ABCA9: variants seen among roughly 807,000 people sequenced by gnomAD.
ABCA9 encodes ATP binding cassette subfamily A member 9.
ABCA9 carries 183 observed loss-of-function variants against 205.3 expected under a neutral mutation model. That is an observed-to-expected ratio of 0.89 (90% CI 0.79 to 1.01). ABCA9 has a LOEUF of 1.01. Ranked by LOEUF, ABCA9 falls within the 50% of genes least tolerant of loss-of-function variation. The pLI, the probability that ABCA9 is intolerant of heterozygous loss-of-function variation, is 0.00. For missense variants in ABCA9, 1,805 were observed against 1,912.4 expected (o/e 0.94, Z 1.05); for synonymous variants, 651 against 683.3 (o/e 0.95, Z 0.74).
In ABCA9 at chr17:68,984,999, C is replaced by A. The variant is rs2069182187; in HGVS notation, c.4285-20G>T. 1 of 1,614,060 alleles carries A rather than the reference C, an allele frequency of 6.2e-7. No homozygotes were observed. Among genetic ancestry groups the A allele is most frequent in the Non-Finnish European group, 8.5e-7 (1 of 1,180,040 alleles). ...GCACAGCTGCAACGGGAGGAACAGC[C>A]CCTCTGGTTCCCATCTACGGCACTT... On this transcript the variant is annotated intron_variant, in intron 33 of 38. Coordinates refer to ENST00000340001, the MANE Select transcript of ABCA9 (RefSeq NM_080283.4).
At chr17:69,065,864 T>C (rs1306188776), upstream of ABCA9, among the ~76,000 whole-genome samples, 1 of 152,152 alleles carries the variant, frequency 6.6e-6, no homozygotes, top group Non-Finnish European at 1.5e-5. Context: ...GCTGTTCTTG[T>C]GATAGAGAGT....
Position 69,027,361 on chromosome 17 carries a change from G to A in ABCA9, c.1880C>T (p.Thr627Ile), listed in dbSNP as rs777019740. ...ATCTCCTAAAATGGCAATCCCAAAA[G>A]TTAGTTTCCTATTTTGTCCACCACT... ...NLSGGQNRKLTFGIAILGDPQ... is the reference protein window; with the variant it reads ...NLSGGQNRKLIFGIAILGDPQ... The change falls in exon 14 of 39, where the codon ACT becomes ATT. Residue 627 changes from threonine to isoleucine, a missense_variant. By Grantham distance (89) the Thr-to-Ile change is moderately conservative. Coordinates refer to ENST00000340001, the MANE Select transcript of ABCA9 (RefSeq NM_080283.4). The A allele has an allele frequency of 5.6e-6, 9 of 1,613,162 alleles. No individual in the cohort carries two copies. The highest frequency in any genetic ancestry group is 1.7e-5 in the Admixed American group (1 of 59,880).
intron 3 of ABCA9, 28 bp from the exon 4 acceptor site, chr17:69,045,364 A>G: frequency 6.3e-7 from 1 of 1,589,660 alleles, no homozygotes; most frequent in South Asian, 1.1e-5. Flanking sequence ...CAAAAGAAAT[A>G]GTTAAGCAAG....
intron 28 of ABCA9, among the ~76,000 whole-genome samples, chr17:68,991,406 CTAAT>C (rs1657945642): frequency 6.6e-6 from 1 of 152,134 alleles, no homozygotes; most frequent in Admixed American, 6.5e-5. Flanking sequence ...ATACCAATGC[CTAAT>C]TAGTTACTGA....
At chr17:69,014,073 C>CCTACT (rs2070486805) in intron 22 of ABCA9, among the ~76,000 whole-genome samples, 1 of 152,096 alleles carries the variant, frequency 6.6e-6, no homozygotes. Context: ...AATTGGCTAG[C>CCTACT]CTACTCAAAT....
intron 3 of ABCA9, 102 bp downstream of exon 3, chr17:69,049,181 T>G (rs1393339865): frequency 7.9e-7 from 1 of 1,269,906 alleles, no homozygotes. Context: ...GTTAATAAAC[T>G]CTAGAAACTT....
In ABCA9 at chr17:69,029,149, A is replaced by G. The variant is rs760495538; in HGVS notation, c.1504+20T>C. ...CCACTAAATCAAGCAGCCCCATTAAATAAAATATTATTTTATTACCTTTCA... is the reference window on the plus strand; with the variant it reads ...CCACTAAATCAAGCAGCCCCATTAAGTAAAATATTATTTTATTACCTTTCA... On this transcript the variant is annotated intron_variant, in intron 11 of 38. Transcript: ENST00000340001. 2 of 1,465,382 alleles carry G rather than the reference A, an allele frequency of 1.4e-6. No individual in the cohort carries two copies. The highest frequency in any genetic ancestry group is 1.9e-6 in the Non-Finnish European group (2 of 1,071,784). 90.8% of individuals were successfully genotyped at this position (1,465,382 alleles called of 1,614,324 possible).
chr17:69,004,832 C>G (rs554076741), intron 25 of ABCA9: 6 of 156,544 alleles, frequency 3.8e-5, no homozygotes, highest in African/African-American at 1.5e-4. Context: ...TTTTTTAAGC[C>G]CGTCGGAAAA....
Position 69,049,274 on chromosome 17 carries a change from G to A in ABCA9, c.304+9C>T, listed in dbSNP as rs1432861476. On this transcript the variant is annotated intron_variant, in intron 3 of 38. Coordinates refer to ENST00000340001, the MANE Select transcript of ABCA9 (RefSeq NM_080283.4). ...TAAGGAAATTACTATGAACAACCAG[G>A]GAACATACCTTTTAGGAATGGGGCT... The A allele has an allele frequency of 5.0e-6, 8 of 1,595,286 alleles. No homozygotes were observed. In the Admixed American group the frequency reaches 1.2e-4, roughly 24 times the overall value.
intron 34 of ABCA9, 124 bp from the exon 35 acceptor site, chr17:68,984,299 G>T: frequency 1.5e-6 from 2 of 1,333,578 alleles, no homozygotes; most frequent in Non-Finnish European, 2.1e-6. Context: ...ACAAAAAAGG[G>T]GTGTGTGTAG....
intron 20 of ABCA9, 67 bp from the exon 21 acceptor site, chr17:69,017,856 T>A (rs980592306): frequency 7.9e-5 from 120 of 1,527,706 alleles, no homozygotes; most frequent in Middle Eastern, 1.9e-4. Flanking sequence ...ATATTAAAAA[T>A]ACATTACATC....
intron 36 of ABCA9, 72 bp from the exon 37 acceptor site, chr17:68,982,713 A>G: frequency 1.6e-6 from 2 of 1,244,324 alleles, no homozygotes; most frequent in Non-Finnish European, 1.2e-6. Flanking sequence ...AAGTCTAAAA[A>G]GGGAAACAAG....
Position 68,999,269 on chromosome 17 carries a change from CT to C in ABCA9, c.3436-3256del, listed in dbSNP as rs1177621327. Among the ~76,000 whole-genome samples the C allele has an allele frequency of 7.9e-4, 93 of 117,948 alleles. 3 individuals carry two copies. The highest frequency in any genetic ancestry group is 2.6e-3 in the African/African-American group (81 of 30,710). 77.4% of individuals were successfully genotyped at this position (117,948 alleles called of 152,430 possible). A position where few individuals can be genotyped will look rare whatever the true frequency, so the allele number is the denominator to read the frequency against. On this transcript the variant is annotated intron_variant, in intron 25 of 38. Coordinates refer to ENST00000340001, the MANE Select transcript of ABCA9 (RefSeq NM_080283.4). ...TTAGGTATATCTCCCAATGCTATCCCTTCCCCCTCCCCCCACCCCACAACAG... is the reference window on the plus strand; with the variant it reads ...TTAGGTATATCTCCCAATGCTATCCCTCCCCCTCCCCCCACCCCACAACAG...
At position 68,993,076 on chromosome 17, in the gene ABCA9, AG is replaced by A; in HGVS notation, c.3563del (p.Pro1188LeufsTer7). ...AAGCTCCTAAGTAATCCATGGAATC[AG>A]GAGAAATCTGTAAAATGAGCAGTAA... ...GSLFIFSEIS[P>X]DSMDYLGASE... is the part of the protein sequence containing the mutation. On this transcript the variant is annotated frameshift_variant, in exon 27 of 39. Transcript: ENST00000340001. LOFTEE classifies it high-confidence loss of function. 1 of 1,613,302 alleles carries A rather than the reference AG, an allele frequency of 6.2e-7. No homozygotes were observed. The highest frequency in any genetic ancestry group is 1.1e-5 in the South Asian group (1 of 91,038).
rs946536382 is a variant in ABCA9 at position 68,976,025 on chromosome 17, G to A, written c.4777-12C>T. The A allele has an allele frequency of 4.3e-6, 7 of 1,612,910 alleles. No homozygotes were observed. Among genetic ancestry groups the A allele is most frequent in the Non-Finnish European group, 5.9e-6 (7 of 1,179,178 alleles). On this transcript the variant is annotated splice_polypyrimidine_tract_variant and intron_variant, in intron 38 of 38. Coordinates refer to ENST00000340001, the MANE Select transcript of ABCA9 (RefSeq NM_080283.4). ...AGCTCCAGGAAAACCTAAAAGGAAG[G>A]AAAGAAATAAAGAGAGGAGAACAAT...
chr17:69,067,464 C>T, the ABCA9 span, among the ~76,000 whole-genome samples: 3 of 151,232 alleles, frequency 2.0e-5, no homozygotes, highest in East Asian at 5.8e-4. Flanking sequence ...GGGAACATCA[C>T]TTGAGCCCTT....
upstream of ABCA9, among the ~76,000 whole-genome samples, chr17:69,063,256 G>A (rs16973554): frequency 0.062 from 9,360 of 152,022 alleles, 730 homozygotes; most frequent in African/African-American, 0.17. Context: ...TTTATTTTGC[G>A]GCAGTATTCT....
chr17:69,039,422 C>A (rs903149447), intron 6 of ABCA9, among the ~76,000 whole-genome samples: 3 of 152,094 alleles, frequency 2.0e-5, no homozygotes, highest in Non-Finnish European at 2.9e-5. Context: ...GCCATCTGAT[C>A]TTTGACAAAC....
chr17:69,078,245 C>T, the ABCA9 span, among the ~76,000 whole-genome samples: 1 of 148,832 alleles, frequency 6.7e-6, no homozygotes. Context: ...CACTCTGTCA[C>T]CCAGGCTGGA....
Sources: gnomAD v4.1 joint callset for allele counts (sites outside exome capture counted in the v4.1 genomes callset) on GRCh38, gnomAD v4.1.1 for gene constraint, MANE v1.5 for transcripts, NCBI Gene and HGNC (gene_info 2026-07-23, HGNC 2026-07-21) for gene names.